PIP4K2A: variants seen among roughly 807,000 people sequenced by gnomAD.
The protein encoded by PIP4K2A is phosphatidylinositol-5-phosphate 4-kinase type 2 alpha.
PIP4K2A carries 14 observed loss-of-function variants against 42.9 expected under a neutral mutation model. That is an observed-to-expected ratio of 0.33 (90% CI 0.22 to 0.51). PIP4K2A has a LOEUF of 0.51. PIP4K2A is among the 20% of genes least tolerant of loss of function. PIP4K2A has a pLI of 0.97. For synonymous variants in PIP4K2A, 192 were observed against 192.2 expected, an observed-to-expected ratio of 1.00 and a Z score of 0.01; for missense variants, 434 against 519.8, an observed-to-expected ratio of 0.83 and a Z score of 1.61.
intron 1 of PIP4K2A, among the ~76,000 whole-genome samples, chr10:22,675,422 C>T (rs1839537611): frequency 6.6e-6 from 1 of 152,078 alleles, no homozygotes; most frequent in South Asian, 2.1e-4. Context: ...CCCATCTCTA[C>T]TAAAAATACA....
At chr10:22,707,743 C>T (rs907317576) in intron 1 of PIP4K2A, among the ~76,000 whole-genome samples, 5 of 152,178 alleles carry the variant, frequency 3.3e-5, no homozygotes, top group African/African-American at 1.2e-4. Flanking sequence ...AGAATTCTTC[C>T]TGGCTGCTGC....
At chr10:22,674,215 A>G (rs1236477286) in intron 1 of PIP4K2A, among the ~76,000 whole-genome samples, 1 of 152,164 alleles carries the variant, frequency 6.6e-6, no homozygotes, top group African/African-American at 2.4e-5. Context: ...TGTCTTGTGC[A>G]TGGTGGGTAT....
chr10:22,557,728 A>G (rs1026892768), intron 6 of PIP4K2A, among the ~76,000 whole-genome samples: 9 of 152,244 alleles, frequency 5.9e-5, no homozygotes, highest in African/African-American at 1.9e-4. Flanking sequence ...ATATCATTGG[A>G]TTTTTAATGA....
intron 4 of PIP4K2A, among the ~76,000 whole-genome samples, chr10:22,579,349 A>T (rs1208221001): frequency 6.6e-6 from 1 of 152,214 alleles, no homozygotes; most frequent in Non-Finnish European, 1.5e-5. Flanking sequence ...TCTGTCACTG[A>T]ATAAGAGTAA....
At chr10:22,552,575 C>T (rs1361564384) in intron 6 of PIP4K2A, among the ~76,000 whole-genome samples, 1 of 151,944 alleles carries the variant, frequency 6.6e-6, no homozygotes, top group Non-Finnish European at 1.5e-5. Flanking sequence ...GAACTGTAAA[C>T]ATAATGAAGT....
chr10:22,658,691 A>G (rs1839148152), intron 1 of PIP4K2A, among the ~76,000 whole-genome samples: 2 of 152,252 alleles, frequency 1.3e-5, no homozygotes, highest in Non-Finnish European at 2.9e-5. Context: ...AAGATCCCAT[A>G]AGAATGAGAA....
intron 1 of PIP4K2A, among the ~76,000 whole-genome samples, chr10:22,643,177 C>T (rs1396328433): frequency 1.3e-5 from 2 of 152,160 alleles, no homozygotes; most frequent in Admixed American, 6.5e-5. Flanking sequence ...CTTCTTCCCA[C>T]CCATCTCCTC....
intron 1 of PIP4K2A, among the ~76,000 whole-genome samples, chr10:22,659,363 G>A (rs1839159641): frequency 6.6e-6 from 1 of 152,198 alleles, no homozygotes; most frequent in South Asian, 2.1e-4. Context: ...GGGAGGCCAA[G>A]GTGGGCGGAT....
intron 1 of PIP4K2A, among the ~76,000 whole-genome samples, chr10:22,662,411 T>C (rs766377690): frequency 1.3e-5 from 2 of 152,260 alleles, no homozygotes; most frequent in Non-Finnish European, 2.9e-5. Flanking sequence ...CTCTGCTGAA[T>C]GCTGAAGATT....
chr10:22,579,494 C>T (rs956162701), intron 4 of PIP4K2A, among the ~76,000 whole-genome samples: 1 of 152,208 alleles, frequency 6.6e-6, no homozygotes, highest in African/African-American at 2.4e-5. Flanking sequence ...GGACGTCTGC[C>T]TCCTTCCCCT....
intron 1 of PIP4K2A, among the ~76,000 whole-genome samples, chr10:22,677,497 A>G (rs537320866): frequency 6.6e-6 from 1 of 152,324 alleles, no homozygotes; most frequent in African/African-American, 2.4e-5. Context: ...AGATAGCCAC[A>G]AGGCAAGCAT....
chr10:22,655,292 G>A (rs1839078160), intron 1 of PIP4K2A, among the ~76,000 whole-genome samples: 1 of 152,186 alleles, frequency 6.6e-6, no homozygotes, highest in Non-Finnish European at 1.5e-5. Context: ...TTAACCCAGT[G>A]TAACAGGCAC....
intron 3 of PIP4K2A, among the ~76,000 whole-genome samples, chr10:22,598,302 G>A (rs959033958): frequency 6.6e-6 from 1 of 152,102 alleles, no homozygotes; most frequent in Non-Finnish European, 1.5e-5. Flanking sequence ...AGGCTGCAGC[G>A]AGCCATGATT....
intron 1 of PIP4K2A, among the ~76,000 whole-genome samples, chr10:22,683,109 C>T (rs1057332422): frequency 1.3e-5 from 2 of 151,832 alleles, no homozygotes; most frequent in Non-Finnish European, 2.9e-5. Flanking sequence ...CACGACAGTA[C>T]AGTATAAATA....
chr10:22,607,898 T>G (rs375019200), intron 3 of PIP4K2A, 29 bp downstream of exon 3: 5 of 1,449,290 alleles, frequency 3.4e-6, no homozygotes, highest in Non-Finnish European at 4.8e-6. Flanking sequence ...CATTTCCTAC[T>G]GGAAGCAAAT....
intron 8 of PIP4K2A, 53 bp from the exon 9 acceptor site, chr10:22,540,127 G>T: frequency 1.2e-6 from 1 of 813,920 alleles, no homozygotes. Flanking sequence ...ACCAGTGCCA[G>T]CATTGCTGCT....
intron 3 of PIP4K2A, 116 bp downstream of exon 3, chr10:22,607,811 G>T: frequency 1.7e-6 from 1 of 598,578 alleles, no homozygotes; most frequent in Non-Finnish European, 3.0e-6. Context: ...TACACAAAAT[G>T]AAAATTACTA....
intron 1 of PIP4K2A, among the ~76,000 whole-genome samples, chr10:22,690,702 G>T (rs917751290): frequency 6.6e-6 from 1 of 152,294 alleles, no homozygotes; most frequent in African/African-American, 2.4e-5. Flanking sequence ...TAATAGCATG[G>T]TAAGAAATAA....
chr10:22,660,093 T>C (rs753069406), intron 1 of PIP4K2A, among the ~76,000 whole-genome samples: 1 of 152,140 alleles, frequency 6.6e-6, no homozygotes, highest in African/African-American at 2.4e-5. Context: ...GGGCCCCTAG[T>C]AGACATGAAA....
Sources: allele counts gnomAD v4.1 joint callset (sites outside exome capture counted in the v4.1 genomes callset), GRCh38; gene constraint gnomAD v4.1.1; transcripts MANE v1.5; gene names NCBI Gene and HGNC (gene_info 2026-07-23, HGNC 2026-07-21).